The following PPP2R2B variants were observed in gnomAD, a reference collection of about 807,000 sequenced individuals.
The protein encoded by PPP2R2B is protein phosphatase 2 regulatory subunit Bbeta, also known as serine/threonine-protein phosphatase 2A 55 kDa regulatory subunit B beta isoform.
In PPP2R2B, 5 loss-of-function variants were observed where a neutral mutation model predicts 46.0. That is an observed-to-expected ratio of 0.11 (90% CI 0.06 to 0.23). The LOEUF (loss-of-function observed/expected upper bound fraction) is 0.23. PPP2R2B is among the 10% of genes least tolerant of loss of function. PPP2R2B has a pLI of 1.00. For synonymous variants in PPP2R2B, 215 were observed against 206.7 expected, an observed-to-expected ratio of 1.04 and a Z score of -0.34; for missense variants, 367 against 575.0, an observed-to-expected ratio of 0.64 and a Z score of 3.70.
At chr5:146,714,414 G>A (rs1780376599) in intron 2 of PPP2R2B, among the ~76,000 whole-genome samples, 1 of 152,070 alleles carries the variant, frequency 6.6e-6, no homozygotes, top group Non-Finnish European at 1.5e-5. Context: ...TGAGGTGAAA[G>A]ATGGTAAGGA....
chr5:146,600,247 G>T, intron 8 of PPP2R2B, 44 bp downstream of exon 8: 1 of 1,585,860 alleles, frequency 6.3e-7, no homozygotes, highest in South Asian at 1.1e-5. Flanking sequence ...AAAAGCTCAT[G>T]AAGGGAATGT....
At chr5:146,634,997 G>C (rs1404470363) in intron 7 of PPP2R2B, among the ~76,000 whole-genome samples, 1 of 152,164 alleles carries the variant, frequency 6.6e-6, no homozygotes, top group Non-Finnish European at 1.5e-5. Context: ...TCTTATGTCT[G>C]CAGGCCTAGA....
intron 1 of PPP2R2B, among the ~76,000 whole-genome samples, chr5:146,892,595 A>C (rs1190313294): frequency 6.6e-6 from 1 of 152,108 alleles, no homozygotes; most frequent in African/African-American, 2.4e-5. Context: ...CACGCTCCTC[A>C]CTAAGTCAGT....
chr5:146,664,902 G>C (rs1267526677), intron 5 of PPP2R2B, among the ~76,000 whole-genome samples: 1 of 152,142 alleles, frequency 6.6e-6, no homozygotes, highest in African/African-American at 2.4e-5. Flanking sequence ...TGGGTGACTA[G>C]GTGCATTGTC....
At chr5:147,004,806 G>T (rs984758231) in intron 1 of PPP2R2B, among the ~76,000 whole-genome samples, 1 of 152,106 alleles carries the variant, frequency 6.6e-6, no homozygotes, top group Non-Finnish European at 1.5e-5. Flanking sequence ...GAGAGAACAG[G>T]AATAGCTCTT....
intron 1 of PPP2R2B, among the ~76,000 whole-genome samples, chr5:147,042,126 C>T (rs1016084565): frequency 6.6e-6 from 1 of 152,154 alleles, no homozygotes; most frequent in Non-Finnish European, 1.5e-5. Flanking sequence ...TTGTAATAGT[C>T]TTAAAGCCCC....
At chr5:146,706,671 G>C in intron 2 of PPP2R2B, 1 of 865,062 alleles carries the variant, frequency 1.2e-6, no homozygotes, top group Admixed American at 1.8e-5. Context: ...CTCAGTCTCA[G>C]CCTGGAGCCA....
rs573287478 is a variant in PPP2R2B at position 146,660,731 on chromosome 5, T to C, written c.448-10007A>G. 7.2e-5 allele frequency among the ~76,000 whole-genome samples: 11 copies of C among 152,320 alleles called. No individual in the cohort carries two copies. The South Asian group carries it at 1.2e-3, about 17-fold the overall frequency. On this transcript the variant is annotated intron_variant, in intron 5 of 9. Transcript: ENST00000394411. ...TTTGTCATACAGATTGAAATAAGCC[T>C]GAGAAGAAAAACCTCTTTGAACCAA...
intron 1 of PPP2R2B, among the ~76,000 whole-genome samples, chr5:146,975,949 C>T (rs906316260): frequency 1.3e-5 from 2 of 151,678 alleles, no homozygotes; most frequent in African/African-American, 2.4e-5. Context: ...GTATTGTGTC[C>T]TGTGATGCAT....
At position 146,613,719 on chromosome 5, in the gene PPP2R2B, G is replaced by C. The variant is rs1161949096; in HGVS notation, c.791-13259C>G. On this transcript the variant is annotated intron_variant, in intron 7 of 9. Coordinates refer to ENST00000394411, the MANE Select transcript of PPP2R2B (RefSeq NM_181675.4). ...TATACACCAACAACAGACAAACAGA[G>C]AGCCAAATCATGAGTGAACTCCCAT... Among the ~76,000 whole-genome samples the C allele has an allele frequency of 2.2e-5, 3 of 134,008 alleles. 1 individual carries two copies. In the East Asian group the frequency reaches 7.6e-4, roughly 34 times the overall value. The allele number at this position is 134,008 out of a possible 152,430, so 87.9% of individuals were successfully genotyped here.
intron 1 of PPP2R2B, among the ~76,000 whole-genome samples, chr5:146,940,847 T>C (rs756815840): frequency 2.0e-5 from 3 of 152,162 alleles, no homozygotes; most frequent in Non-Finnish European, 4.4e-5. Context: ...TAAATTAGTA[T>C]CAGTGTAGTT....
intron 2 of PPP2R2B, among the ~76,000 whole-genome samples, chr5:146,723,103 T>C (rs1751628378): frequency 6.6e-6 from 1 of 152,198 alleles, no homozygotes; most frequent in African/African-American, 2.4e-5. Context: ...TATTATAGCA[T>C]TTATTACACC....
intron 1 of PPP2R2B, among the ~76,000 whole-genome samples, chr5:146,939,938 GC>G (rs1764268395): frequency 6.6e-6 from 1 of 152,088 alleles, no homozygotes; most frequent in Non-Finnish European, 1.5e-5. Context: ...GCTTGTCATT[GC>G]TTTTTGTCAG....
chr5:146,727,951 A>G (rs1039897236), intron 2 of PPP2R2B, among the ~76,000 whole-genome samples: 8 of 151,974 alleles, frequency 5.3e-5, no homozygotes, highest in African/African-American at 1.9e-4. Context: ...TAGATTCCAC[A>G]TATAAGTGAG....
intron 2 of PPP2R2B, among the ~76,000 whole-genome samples, chr5:146,859,671 A>G (rs1760871556): frequency 6.6e-6 from 1 of 152,202 alleles, no homozygotes; most frequent in South Asian, 2.1e-4. Flanking sequence ...AGATAAGTTC[A>G]TGTTGGTATG....
intron 2 of PPP2R2B, among the ~76,000 whole-genome samples, chr5:147,080,058 G>T (rs1387943199): frequency 6.6e-6 from 1 of 151,720 alleles, no homozygotes; most frequent in Non-Finnish European, 1.5e-5. Context: ...TTTGGTTTTT[G>T]GTCACCCACT....
chr5:147,017,807 G>T (rs547615458), intron 1 of PPP2R2B, among the ~76,000 whole-genome samples: 12 of 152,212 alleles, frequency 7.9e-5, no homozygotes, highest in African/African-American at 2.4e-4. Flanking sequence ...ACTTGGAAAA[G>T]ATGATGTCAT....
intron 1 of PPP2R2B, among the ~76,000 whole-genome samples, chr5:146,951,013 C>A (rs1481756532): frequency 6.6e-6 from 1 of 151,886 alleles, no homozygotes; most frequent in African/African-American, 2.4e-5. Flanking sequence ...TAAGGTCAAG[C>A]ATCTAAATTT....
intron 1 of PPP2R2B, among the ~76,000 whole-genome samples, chr5:147,030,245 C>T (rs1381073469): frequency 2.6e-5 from 4 of 152,080 alleles, no homozygotes; most frequent in African/African-American, 7.2e-5. Flanking sequence ...TGTTATGTTG[C>T]TCTTATAAAT....
Sources: gnomAD v4.1 joint callset for allele counts (sites outside exome capture counted in the v4.1 genomes callset) on GRCh38, gnomAD v4.1.1 for gene constraint, MANE v1.5 for transcripts, NCBI Gene and HGNC (gene_info 2026-07-23, HGNC 2026-07-21) for gene names.